CNTNAP5: variants seen among roughly 807,000 people sequenced by gnomAD.
CNTNAP5 encodes the protein contactin associated protein family member 5.
A neutral mutation model predicts 150.2 loss-of-function variants in CNTNAP5; 72 were observed. The observed-to-expected ratio is 0.48, with a 90% CI of 0.40 to 0.58. The LOEUF is 0.58. Ranked by LOEUF, CNTNAP5 falls within the 20% of genes least tolerant of loss-of-function variation. The pLI is 0.00. For synonymous variants in CNTNAP5, 672 were observed against 619.8 expected, an observed-to-expected ratio of 1.08 and a Z score of -1.25; for missense variants, 1,636 against 1,626.2, an observed-to-expected ratio of 1.01 and a Z score of -0.10.
At chr2:124,558,664 C>T (rs768226861) in intron 10 of CNTNAP5, among the ~76,000 whole-genome samples, 1 of 152,214 alleles carries the variant, frequency 6.6e-6, no homozygotes, top group Non-Finnish European at 1.5e-5. Context: ...GACTGCATTT[C>T]CCTGAACTGT....
At chr2:124,587,535 T>G (rs1469860526) in intron 11 of CNTNAP5, among the ~76,000 whole-genome samples, 1 of 152,166 alleles carries the variant, frequency 6.6e-6, no homozygotes, top group Non-Finnish European at 1.5e-5. Flanking sequence ...CTGCCAAACT[T>G]AGGTCTCTTT....
chr2:124,534,612 C>T (rs550013748), intron 10 of CNTNAP5, among the ~76,000 whole-genome samples: 19 of 152,282 alleles, frequency 1.2e-4, no homozygotes, highest in Non-Finnish European at 2.5e-4. Context: ...TGGTGGCTCA[C>T]GCCTGTAGTC....
chr2:124,217,351 G>GACA (rs1185994719), intron 1 of CNTNAP5, among the ~76,000 whole-genome samples: 1 of 152,130 alleles, frequency 6.6e-6, no homozygotes, highest in Non-Finnish European at 1.5e-5. Flanking sequence ...GATGGATTCA[G>GACA]CATTGTTCAG....
Position 124,527,314 on chromosome 2 carries a change from T to G in CNTNAP5, c.1507T>G (p.Cys503Gly). The change falls in exon 10 of 24, where the codon TGT (cysteine) becomes GGT (glycine). Residue 503 changes from cysteine (C) to glycine (G), a missense_variant. By Grantham distance (159) the Cys-to-Gly change is radical. Transcript: ENST00000682447. ...GCPDNLTDSQ[C>G]LNPIKAFQGC... ...CCCCGACAATCTCACCGATTCCCAATGTTTAAATCCCATTAAGGCTTTCCA... is the reference window on the plus strand; with the variant it reads ...CCCCGACAATCTCACCGATTCCCAAGGTTTAAATCCCATTAAGGCTTTCCA... 6.2e-7 allele frequency: 1 copy of G among 1,613,618 alleles called. No homozygotes were observed. Among genetic ancestry groups the G allele is most frequent in the Non-Finnish European group, 8.5e-7 (1 of 1,179,690 alleles).
chr2:124,045,788 G>A (rs920728280), intron 1 of CNTNAP5, among the ~76,000 whole-genome samples: 2 of 152,122 alleles, frequency 1.3e-5, no homozygotes, highest in Admixed American at 6.5e-5. Context: ...GTAGAATGAA[G>A]TAATATTGAC....
intron 11 of CNTNAP5, among the ~76,000 whole-genome samples, chr2:124,567,854 T>TAGAC (rs763023719): frequency 8.5e-6 from 1 of 117,010 alleles, no homozygotes; most frequent in African/African-American, 3.1e-5. Context: ...GATAGATAGA[T>TAGAC]AGATAGATAG....
intron 1 of CNTNAP5, among the ~76,000 whole-genome samples, chr2:124,061,369 A>G (rs1558741695): frequency 6.6e-6 from 1 of 152,136 alleles, no homozygotes; most frequent in Non-Finnish European, 1.5e-5. Flanking sequence ...CTAAATTTAT[A>G]TTAGATGTCT....
chr2:124,712,261 C>A (rs1414703491), intron 13 of CNTNAP5, among the ~76,000 whole-genome samples: 1 of 152,216 alleles, frequency 6.6e-6, no homozygotes, highest in East Asian at 1.9e-4. Flanking sequence ...AAGGCTAAAT[C>A]TGAGCAGGCC....
intron 1 of CNTNAP5, among the ~76,000 whole-genome samples, chr2:124,220,851 T>G (rs1686289575): frequency 6.6e-6 from 1 of 152,114 alleles, no homozygotes; most frequent in Non-Finnish European, 1.5e-5. Flanking sequence ...ACATTAGATC[T>G]CATCATGAGT....
rs115320248 is a variant in CNTNAP5, at chr2:124,401,234, A to C, written c.382-16209A>C. Among the ~76,000 whole-genome samples the C allele has an allele frequency of 3.9e-3, 587 of 152,372 alleles. 8 individuals carry two copies. Among genetic ancestry groups the C allele is most frequent in the African/African-American group, 0.013 (550 of 41,582 alleles). ...AGAATTTCAGAACAAACACAGCAGT[A>C]GCAACAGAGGAGTCTGGTGTCATAT... On this transcript the variant is annotated intron_variant, in intron 3 of 23. Coordinates refer to ENST00000682447, the MANE Select transcript of CNTNAP5 (RefSeq NM_001367498.1).
chr2:124,419,057 C>G (rs1001856622), intron 4 of CNTNAP5, among the ~76,000 whole-genome samples: 4 of 140,934 alleles, frequency 2.8e-5, no homozygotes, highest in African/African-American at 1.0e-4. Context: ...TGGCGTGAAC[C>G]CGGGAAGCGG....
At chr2:124,372,428 A>G (rs1312902107) in intron 3 of CNTNAP5, among the ~76,000 whole-genome samples, 2 of 152,028 alleles carry the variant, frequency 1.3e-5, no homozygotes, top group Non-Finnish European at 2.9e-5. Context: ...TTTTACATAT[A>G]CATATATTGT....
intron 11 of CNTNAP5, among the ~76,000 whole-genome samples, chr2:124,578,156 CA>C (rs556786620): frequency 0.15 from 10,129 of 69,448 alleles, 592 homozygotes; most frequent in African/African-American, 0.29. Context: ...ACTAAAAATA[CA>C]AAAAAAAAAA....
chr2:124,313,561 C>A (rs1688885896), intron 3 of CNTNAP5, among the ~76,000 whole-genome samples: 1 of 152,132 alleles, frequency 6.6e-6, no homozygotes, highest in Non-Finnish European at 1.5e-5. Context: ...CTTTTTCTGT[C>A]TTAACATACA....
chr2:124,238,453 G>A (rs1686806316), intron 2 of CNTNAP5, among the ~76,000 whole-genome samples: 1 of 152,110 alleles, frequency 6.6e-6, no homozygotes, highest in African/African-American at 2.4e-5. Flanking sequence ...GAGGCTTGGA[G>A]TATGCTAGAA....
chr2:124,456,946 T>C (rs1272538918), intron 6 of CNTNAP5, among the ~76,000 whole-genome samples: 2 of 152,234 alleles, frequency 1.3e-5, no homozygotes, highest in East Asian at 1.9e-4. Flanking sequence ...ATCTAAGACC[T>C]GAAACTACGA....
chr2:124,568,029 T>A (rs925863504), intron 11 of CNTNAP5, among the ~76,000 whole-genome samples: 1 of 152,200 alleles, frequency 6.6e-6, no homozygotes, highest in African/African-American at 2.4e-5. Context: ...GAAGTTGGGC[T>A]TTAAGCCAAG....
At chr2:124,074,550 G>A (rs575769426) in intron 1 of CNTNAP5, among the ~76,000 whole-genome samples, 1 of 152,148 alleles carries the variant, frequency 6.6e-6, no homozygotes, top group Non-Finnish European at 1.5e-5. Context: ...ATGTCATGGC[G>A]AGGCTGTTGC....
At chr2:124,711,202 C>T (rs1472009426) in intron 13 of CNTNAP5, among the ~76,000 whole-genome samples, 2 of 151,786 alleles carry the variant, frequency 1.3e-5, no homozygotes, top group South Asian at 2.1e-4. Flanking sequence ...ACCTGGGAGG[C>T]GGAGGTTGTG....
Sources: allele counts gnomAD v4.1 joint callset (sites outside exome capture counted in the v4.1 genomes callset), GRCh38; gene constraint gnomAD v4.1.1; transcripts MANE v1.5; gene names NCBI Gene and HGNC (gene_info 2026-07-23, HGNC 2026-07-21).